The following KNL1 variants were observed in gnomAD, a reference collection of about 807,000 sequenced individuals.
KNL1 encodes kinetochore scaffold 1.
In KNL1, 66 loss-of-function variants were observed where a neutral mutation model predicts 201.3. The observed-to-expected ratio is 0.33, with a 90% CI of 0.27 to 0.40. The LOEUF is 0.40. Among genes scored for constraint, KNL1 ranks in the 10% least tolerant of loss-of-function variants. The pLI, the probability that KNL1 is intolerant of heterozygous loss-of-function variation, is 1.00. For synonymous variants in KNL1, 895 were observed against 899.2 expected (o/e 1.00, Z 0.08); for missense variants, 2,815 against 2,690.5 (o/e 1.05, Z -1.02).
At chr15:40,606,208 G>A (rs148875337) in intron 3 of KNL1, among the ~76,000 whole-genome samples, 185 bp from the exon 4 acceptor site, 19 of 152,296 alleles carry the variant, frequency 1.2e-4, no homozygotes, top group African/African-American at 4.6e-4. Flanking sequence ...GGATGGGCAG[G>A]TAGAAGGGAA....
chr15:40,621,009 A>T lies in KNL1; in HGVS notation c.745A>T (p.Asn249Tyr), dbSNP rs774157254. The stretch of plus-strand genomic sequence containing the variant: ...GATACCTATTTATTCCAAGGAACCG[A>T]ACAGTGCCTCTTCTACACATCAAAT... ...FEIPIYSKEP[N>Y]SASSTHQMHV... Residue 249 changes from asparagine to tyrosine, a missense_variant, in exon 10 of 26, where the codon AAC becomes TAC. Around this residue, in one of 3 missense-constraint regions of KNL1, gnomAD observed 2,464 missense variants for 2,291.7 expected, o/e 1.08. Coordinates refer to ENST00000399668, the MANE Select transcript of KNL1 (RefSeq NM_144508.5). 9.3e-6 allele frequency: 15 copies of T among 1,606,298 alleles called. No individual in the cohort carries two copies. Among genetic ancestry groups the T allele is most frequent in the Non-Finnish European group, 1.2e-5 (14 of 1,177,256 alleles).
At chr15:40,639,651 G>A (rs555917929) in intron 13 of KNL1, among the ~76,000 whole-genome samples, 1 of 151,752 alleles carries the variant, frequency 6.6e-6, no homozygotes, top group Non-Finnish European at 1.5e-5. Flanking sequence ...ACATGCACCT[G>A]TAGTCCCAGC....
chr15:40,625,421 T>C lies in KNL1; in HGVS notation c.5157T>C (p.Tyr1719=). Residue 1719 remains tyrosine (Y), a synonymous_variant, in exon 10 of 26, where the codon TAT becomes TAC. Transcript: ENST00000399668. The part of the protein sequence containing the change: ...QYINEENLPV[Y]PDEINSSDSI... ...TAAATGAGGAAAATCTTCCTGTATA[T>C]CCTGATGAGATCAATTCTTCAGACT... 6.2e-7 allele frequency: 1 copy of C among 1,613,928 alleles called. No individual in the cohort carries two copies. Among genetic ancestry groups the C allele is most frequent in the Non-Finnish European group, 8.5e-7 (1 of 1,179,932 alleles).
Position 40,628,692 on chromosome 15 carries a change from C to A in KNL1, c.5583+14C>A, listed in dbSNP as rs1273084641. On this transcript the variant is annotated intron_variant, in intron 12 of 25. Transcript: ENST00000399668. ...AGCTTGAGGGAGGTATGTTAAAATT[C>A]TTTTTCTTTTTTTTATTTATAAAGA... 3.3e-6 allele frequency: 5 copies of A among 1,497,428 alleles called. No homozygotes were observed. Among genetic ancestry groups the A allele is most frequent in the Admixed American group, 1.9e-5 (1 of 53,388 alleles). 92.8% of individuals were successfully genotyped at this position (1,497,428 alleles called of 1,614,324 possible).
In KNL1 at chr15:40,608,852, C is replaced by T; in HGVS notation, c.141C>T (p.Ser47=). The change falls in exon 5 of 26, where the codon TCC becomes TCT. Residue 47 remains serine, a synonymous_variant. Transcript: ENST00000399668. ...CATATATTCTCTGCCCTTAGGAATC[C>T]AATGCTTTGAGAAATAAGAAAAACT... The part of the protein sequence containing the change: ...LRGGNERVQE[S]NALRNKKNSR... 2 of 1,606,874 alleles carry T rather than the reference C, an allele frequency of 1.2e-6. No individual in the cohort carries two copies. Among genetic ancestry groups the T allele is most frequent in the Non-Finnish European group, 1.7e-6 (2 of 1,174,242 alleles).
chr15:40,623,016 A>G lies in KNL1; in HGVS notation c.2752A>G (p.Arg918Gly). 1 of 1,613,982 alleles carries G rather than the reference A, an allele frequency of 6.2e-7. No homozygotes were observed. Among genetic ancestry groups the G allele is most frequent in the South Asian group, 1.1e-5 (1 of 91,074 alleles). The part of the protein sequence containing the change: ...TCRQDDMEIT[R>G]SHTTALECKT... ...TAGGCAGGATGACATGGAGATCACTAGAAGTCACACAACTGCCTTAGAATG... is the reference window on the plus strand; with the variant it reads ...TAGGCAGGATGACATGGAGATCACTGGAAGTCACACAACTGCCTTAGAATG... Residue 918 changes from arginine (R) to glycine (G), a missense_variant, in exon 10 of 26, where the codon AGA (arginine) becomes GGA (glycine). By Grantham distance (125) the Arg-to-Gly change is moderately radical. Around this residue, in one of 3 missense-constraint regions of KNL1, gnomAD observed 2,464 missense variants for 2,291.7 expected, o/e 1.08. Transcript: ENST00000399668.
Position 40,662,366 on chromosome 15 carries a change from G to C in KNL1, c.*178G>C, listed in dbSNP as rs1893936311. On this transcript the variant is annotated 3_prime_UTR_variant, in exon 26 of 26. Coordinates refer to ENST00000399668, the MANE Select transcript of KNL1 (RefSeq NM_144508.5). The stretch of plus-strand genomic sequence containing the variant: ...TGCAGAATGATGGTGATGAAGTCTG[G>C]ATGGTAGGCCTCATAGCCTACTATC... 1.5e-5 allele frequency: 8 copies of C among 535,422 alleles called. No homozygotes were observed. The South Asian group carries it at 2.0e-4, about 13-fold the overall frequency. 33.2% of individuals were successfully genotyped at this position (535,422 alleles called of 1,614,324 possible).
At chr15:40,597,429 G>A (rs1891652732) in intron 1 of KNL1, among the ~76,000 whole-genome samples, 2 of 152,040 alleles carry the variant, frequency 1.3e-5, no homozygotes, top group South Asian at 4.2e-4. Flanking sequence ...TAATTTTTTT[G>A]CCCTGCTAAT....
At chr15:40,620,045 C>T (rs965589056) in intron 9 of KNL1, among the ~76,000 whole-genome samples, 3 of 152,210 alleles carry the variant, frequency 2.0e-5, no homozygotes, top group Non-Finnish European at 4.4e-5. Context: ...CCTCCCACCT[C>T]AGCCTTCCTA....
chr15:40,608,984 G>C (rs1892068664), intron 5 of KNL1, 76 bp downstream of exon 5: 1 of 901,994 alleles, frequency 1.1e-6, no homozygotes, highest in African/African-American at 1.7e-5. Context: ...TATTGGTACT[G>C]ACTTGAATAA....
chr15:40,620,027 C>G (rs528824757), intron 9 of KNL1, among the ~76,000 whole-genome samples: 5 of 151,872 alleles, frequency 3.3e-5, no homozygotes, highest in East Asian at 3.9e-4. Flanking sequence ...CTCCTGGACT[C>G]GAGCAGTCCT....
intron 15 of KNL1, 72 bp from the exon 16 acceptor site, chr15:40,645,584 G>A: frequency 8.6e-6 from 6 of 698,634 alleles, no homozygotes; most frequent in Non-Finnish European, 1.4e-5. Context: ...GCAAAGCCTA[G>A]CCTTCCTAGA....
chr15:40,661,189 C>T (rs1170340946), intron 25 of KNL1, among the ~76,000 whole-genome samples: 2 of 151,844 alleles, frequency 1.3e-5, no homozygotes, highest in African/African-American at 4.8e-5. Context: ...GCCTGGCCAA[C>T]ATGACAAAAC....
chr15:40,609,055 G>A, intron 5 of KNL1, 147 bp downstream of exon 5: 2 of 579,306 alleles, frequency 3.5e-6, no homozygotes, highest in South Asian at 2.2e-5. Flanking sequence ...GTTTAAAAGA[G>A]AAACAAAGCA....
Position 40,622,169 on chromosome 15 carries a change from C to G in KNL1, c.1905C>G (p.Thr635=). The change falls in exon 10 of 26, where the codon ACC becomes ACG. Residue 635 remains threonine (T), a synonymous_variant. Transcript: ENST00000399668. ...ACATAATAGCCAAAAACAGCTTAAC[C>G]GACACCTGGAACAAAGACAAAGATT... is the stretch of plus-strand genomic sequence containing the variant. The part of the protein sequence containing the change: ...RSDIIAKNSL[T]DTWNKDKDWV... 4 of 1,614,052 alleles carry G rather than the reference C, an allele frequency of 2.5e-6. No individual in the cohort carries two copies. The highest frequency in any genetic ancestry group is 1.1e-5 in the South Asian group (1 of 91,074).
At chr15:40,610,899 A>T in intron 6 of KNL1, 1 of 449,242 alleles carries the variant, frequency 2.2e-6, no homozygotes, top group South Asian at 1.6e-5. Flanking sequence ...ACAGGCATGC[A>T]CCACCACACC....
chr15:40,640,121 G>A (rs1893183140), intron 13 of KNL1, among the ~76,000 whole-genome samples: 2 of 141,328 alleles, frequency 1.4e-5, no homozygotes, highest in African/African-American at 5.4e-5. Context: ...TTTTGAGACG[G>A]AGTCCTGCTC....
At chr15:40,656,596 G>C (rs938436758) in intron 22 of KNL1, among the ~76,000 whole-genome samples, 2 of 151,962 alleles carry the variant, frequency 1.3e-5, no homozygotes, top group Non-Finnish European at 2.9e-5. Context: ...TAAAAATGGA[G>C]AGAATACATC....
In KNL1 at chr15:40,622,051, A is replaced by C; in HGVS notation, c.1787A>C (p.Glu596Ala). 1 of 1,613,984 alleles carries C rather than the reference A, an allele frequency of 6.2e-7. No homozygotes were observed. The change falls in exon 10 of 26, where the codon GAG becomes GCG. Residue 596 changes from glutamate (E) to alanine (A), a missense_variant. Coordinates refer to ENST00000399668, the MANE Select transcript of KNL1 (RefSeq NM_144508.5). ...VPLAAYNLAP[E>A]STSESHSQSK... ...CTTGCAGCTTATAATCTAGCACCGGAGAGTACCAGTGAATCTCACTCTCAG... is the reference window on the plus strand; with the variant it reads ...CTTGCAGCTTATAATCTAGCACCGGCGAGTACCAGTGAATCTCACTCTCAG...
Sources: gnomAD v4.1 joint callset for allele counts (sites outside exome capture counted in the v4.1 genomes callset) on GRCh38, gnomAD v4.1.1 for gene constraint, gnomAD v4.1.1 regional missense constraint, MANE v1.5 for transcripts, NCBI Gene and HGNC (gene_info 2026-07-23, HGNC 2026-07-21) for gene names.